Variants in PAM observed in about 807,000 individuals in gnomAD.
The protein encoded by PAM is peptidylglycine alpha-amidating monooxygenase.
A neutral mutation model predicts 122.1 loss-of-function variants in PAM; 72 were observed. That is an observed-to-expected ratio of 0.59 (90% CI 0.49 to 0.72). The LOEUF is 0.72. Among genes scored for constraint, PAM ranks in the 30% least tolerant of loss-of-function variants. PAM has a pLI of 0.00. For missense variants in PAM, 1,106 were observed against 1,183.7 expected (o/e 0.93, Z 0.96); for synonymous variants, 389 against 404.4 (o/e 0.96, Z 0.46).
chr5:102,959,883 C>G lies in PAM; in HGVS notation c.914C>G (p.Ser305Cys). ...RTEATHIGGTSSDEMCNLYIM... is the reference protein window; with the variant it reads ...RTEATHIGGTCSDEMCNLYIM... ...CTTTTTTTTGCCTGCAGTGGCACGT[C>G]TAGTGATGAAATGTGCAACTTATAC... Residue 305 changes from serine (S) to cysteine (C), a missense_variant, in exon 13 of 26, where the codon TCT becomes TGT. Around this residue, in one of 3 missense-constraint regions of PAM, gnomAD observed 670 missense variants for 690.3 expected, o/e 0.97. Coordinates refer to ENST00000438793, the MANE Select transcript of PAM (RefSeq NM_001177306.2). 6.2e-7 allele frequency: 1 copy of G among 1,608,586 alleles called. No individual in the cohort carries two copies. Among genetic ancestry groups the G allele is most frequent in the Non-Finnish European group, 8.5e-7 (1 of 1,175,864 alleles).
intron 5 of PAM, among the ~76,000 whole-genome samples, chr5:102,914,902 T>TA (rs1802633856): frequency 6.6e-6 from 1 of 152,126 alleles, no homozygotes; most frequent in Non-Finnish European, 1.5e-5. Context: ...TATCATGCCA[T>TA]AAACAATCAG....
intron 24 of PAM, among the ~76,000 whole-genome samples, chr5:103,026,702 G>C (rs1190154627): frequency 6.6e-6 from 1 of 152,142 alleles, no homozygotes; most frequent in East Asian, 1.9e-4. Flanking sequence ...ATAAATTGTT[G>C]TTGAAAGAAT....
chr5:102,978,578 C>T (rs981936022), intron 15 of PAM, among the ~76,000 whole-genome samples: 1 of 152,106 alleles, frequency 6.6e-6, no homozygotes, highest in Non-Finnish European at 1.5e-5. Flanking sequence ...TATTACAAAC[C>T]TCTGGATGTG....
At chr5:102,784,826 C>T (rs575032488) in intron 1 of PAM, among the ~76,000 whole-genome samples, 4 of 152,142 alleles carry the variant, frequency 2.6e-5, no homozygotes, top group South Asian at 2.1e-4. Flanking sequence ...TGTTGTTATT[C>T]GTTTACTAGG....
intron 12 of PAM, among the ~76,000 whole-genome samples, chr5:102,956,145 T>C (rs569591378): frequency 1.3e-5 from 2 of 152,246 alleles, no homozygotes; most frequent in South Asian, 2.1e-4. Flanking sequence ...TTTTGAATCA[T>C]AGAATTGGTA....
chr5:102,849,088 A>T (rs940889328), intron 1 of PAM, among the ~76,000 whole-genome samples: 1 of 152,196 alleles, frequency 6.6e-6, no homozygotes, highest in Non-Finnish European at 1.5e-5. Flanking sequence ...TGGCACCTGA[A>T]TTCTAAACAA....
intron 4 of PAM, among the ~76,000 whole-genome samples, chr5:102,903,773 G>A (rs1405794617): frequency 6.6e-6 from 1 of 151,484 alleles, no homozygotes; most frequent in African/African-American, 2.4e-5. Flanking sequence ...TTTGGTGTGG[G>A]GATAGTGATA....
At chr5:103,007,772 T>TTTTTTTTTTTTTTTTTTTG (rs1779480434) in intron 20 of PAM, 115 bp downstream of exon 20, 1 of 657,334 alleles carries the variant, frequency 1.5e-6, no homozygotes, top group African/African-American at 1.8e-5. Context: ...TTTCACATCT[T>TTTTTTTTTTTTTTTTTTTG]AAAAGTATCT....
rs74395521 is a variant in PAM at position 102,776,603 on chromosome 5, C to A, written c.-374+21255C>A. Among the ~76,000 whole-genome samples, 1,046 of 152,130 alleles carry A rather than the reference C, an allele frequency of 6.9e-3. 9 individuals are homozygous for A. Among genetic ancestry groups the A allele is most frequent in the Non-Finnish European group, 0.013 (877 of 67,958 alleles). On this transcript the variant is annotated intron_variant, in intron 1 of 25. Transcript: ENST00000438793. ...TTTATTAAATAGGGAACACTTTCCC[C>A]ATTGTTGTTTTTGTCAGGTTTGTCT...
At chr5:102,911,411 A>C (rs750910548) in intron 4 of PAM, among the ~76,000 whole-genome samples, 1 of 151,998 alleles carries the variant, frequency 6.6e-6, no homozygotes, top group Non-Finnish European at 1.5e-5. Flanking sequence ...TCATTTTAGA[A>C]GCAAAAATTA....
At chr5:102,786,700 G>A (rs957570050) in intron 1 of PAM, among the ~76,000 whole-genome samples, 2 of 152,034 alleles carry the variant, frequency 1.3e-5, no homozygotes, top group African/African-American at 2.4e-5. Flanking sequence ...TCAAAGTTGC[G>A]GGTCAGAAAG....
Position 102,988,480 on chromosome 5 carries a change from T to C in PAM, c.1484-1792T>C, listed in dbSNP as rs112366438. ...AGCCCTATTATATCCTTTTATTTAC[T>C]AAGGCCAAAAACCACGTTTTATTCC... On this transcript the variant is annotated intron_variant, in intron 15 of 25. Coordinates refer to ENST00000438793, the MANE Select transcript of PAM (RefSeq NM_001177306.2). Among the ~76,000 whole-genome samples, 1,167 of 152,196 alleles carry C rather than the reference T, an allele frequency of 7.7e-3. 21 individuals carry two copies. Among genetic ancestry groups the C allele is most frequent in the African/African-American group, 0.026 (1,062 of 41,522 alleles).
At chr5:103,006,273 T>C in intron 18 of PAM, among the ~76,000 whole-genome samples, 1 of 152,300 alleles carries the variant, frequency 6.6e-6, no homozygotes, top group South Asian at 2.1e-4. Flanking sequence ...TATTTTTTTA[T>C]GTTTTTTTCT....
intron 21 of PAM, among the ~76,000 whole-genome samples, chr5:103,011,128 A>G (rs1780478406): frequency 1.3e-5 from 2 of 152,196 alleles, no homozygotes; most frequent in African/African-American, 4.8e-5. Flanking sequence ...GCTCTTCAAA[A>G]GCATAACTCT....
chr5:102,911,334 G>A (rs1219503440), intron 4 of PAM, among the ~76,000 whole-genome samples: 1 of 151,880 alleles, frequency 6.6e-6, no homozygotes, highest in Non-Finnish European at 1.5e-5. Flanking sequence ...GAGTCAGTGA[G>A]AATCTGTTTT....
intron 15 of PAM, among the ~76,000 whole-genome samples, chr5:102,981,368 C>T (rs937221269): frequency 5.3e-5 from 8 of 152,178 alleles, no homozygotes; most frequent in African/African-American, 1.9e-4. Context: ...TTCCAGAAGC[C>T]ATTATATGTG....
At chr5:102,897,254 G>A (rs1029137079) in intron 3 of PAM, among the ~76,000 whole-genome samples, 2 of 151,496 alleles carry the variant, frequency 1.3e-5, no homozygotes, top group African/African-American at 2.4e-5. Context: ...TTACCAGTTT[G>A]TCTGGGTTGG....
chr5:102,772,792 A>C (rs1756164016), intron 1 of PAM, among the ~76,000 whole-genome samples: 1 of 152,050 alleles, frequency 6.6e-6, no homozygotes, highest in African/African-American at 2.4e-5. Flanking sequence ...CTGAAAGTAA[A>C]CTTCAATTTT....
chr5:102,790,681 A>T (rs1158977348), intron 1 of PAM, among the ~76,000 whole-genome samples: 1 of 152,088 alleles, frequency 6.6e-6, no homozygotes, highest in Non-Finnish European at 1.5e-5. Flanking sequence ...CTTACAGAAC[A>T]CTATTTTCAT....
Sources: gnomAD v4.1 joint callset for allele counts (sites outside exome capture counted in the v4.1 genomes callset) on GRCh38, gnomAD v4.1.1 for gene constraint, gnomAD v4.1.1 regional missense constraint, MANE v1.5 for transcripts, NCBI Gene and HGNC (gene_info 2026-07-23, HGNC 2026-07-21) for gene names.